C1orf21: variants seen among roughly 807,000 people sequenced by gnomAD.
The protein encoded by C1orf21 is uncharacterized protein C1orf21.
Under a neutral mutation model 18.7 loss-of-function variants are expected in C1orf21, and 3 were observed. That is an observed-to-expected ratio of 0.16 (90% confidence interval 0.07 to 0.42). The LOEUF (loss-of-function observed/expected upper bound fraction) is 0.42. Among genes scored for constraint, C1orf21 ranks in the 10% least tolerant of loss-of-function variants. C1orf21 has a pLI of 0.99. For synonymous variants in C1orf21, 41 were observed against 46.4 expected (o/e 0.88, Z 0.47); for missense variants, 104 against 143.6 (o/e 0.72, Z 1.41).
At chr1:184,517,208 A>G (rs1162503459) in intron 3 of C1orf21, among the ~76,000 whole-genome samples, 1 of 152,218 alleles carries the variant, frequency 6.6e-6, no homozygotes, top group Non-Finnish European at 1.5e-5. Context: ...CACTAATAAA[A>G]TGTTTGTTAT....
At position 184,590,666 on chromosome 1, in the gene C1orf21, A is replaced by G. The variant is rs771822974; in HGVS notation, c.190-73A>G. The G allele has an allele frequency of 3.2e-4, 463 of 1,449,602 alleles. 1 individual carries two copies. Among genetic ancestry groups the G allele is most frequent in the Non-Finnish European group, 4.3e-4 (448 of 1,032,198 alleles). The allele number at this position is 1,449,602 out of a possible 1,614,324, so 89.8% of individuals were successfully genotyped here. ...CCCAAACAGATTGAACGTTTGTGTG[A>G]TGAAAACTCATACACTTGTTTAATT... On this transcript the variant is annotated intron_variant, in intron 3 of 5. Transcript: ENST00000235307.
At chr1:184,501,838 G>A (rs141378011) in intron 2 of C1orf21, among the ~76,000 whole-genome samples, 2 of 152,240 alleles carry the variant, frequency 1.3e-5, no homozygotes, top group Admixed American at 1.3e-4. Context: ...ATAAAATGGT[G>A]TGATTTGTGG....
At chr1:184,589,152 T>C (rs1659401152) in intron 3 of C1orf21, among the ~76,000 whole-genome samples, 1 of 152,218 alleles carries the variant, frequency 6.6e-6, no homozygotes, top group Admixed American at 6.5e-5. Flanking sequence ...GTGCATTTCT[T>C]TTAAGCTCAA....
chr1:184,532,644 G>A (rs1338531652), intron 3 of C1orf21, among the ~76,000 whole-genome samples: 6 of 152,284 alleles, frequency 3.9e-5, no homozygotes, highest in Admixed American at 3.3e-4. Context: ...CTACTCAGGA[G>A]GCTGAAGCAG....
intron 3 of C1orf21, among the ~76,000 whole-genome samples, chr1:184,529,199 CT>C (rs1209494305): frequency 6.6e-6 from 1 of 152,100 alleles, no homozygotes; most frequent in Admixed American, 6.6e-5. Context: ...ATTTCCTACT[CT>C]CTTTTCTGCT....
At chr1:184,452,521 A>T (rs894010519) in intron 1 of C1orf21, among the ~76,000 whole-genome samples, 1 of 152,102 alleles carries the variant, frequency 6.6e-6, no homozygotes, top group African/African-American at 2.4e-5. Context: ...ATAAGGTCAT[A>T]TTTGTCCCAT....
intron 1 of C1orf21, among the ~76,000 whole-genome samples, chr1:184,470,751 C>G (rs1289973806): frequency 6.6e-6 from 1 of 152,060 alleles, no homozygotes; most frequent in African/African-American, 2.4e-5. Context: ...TGGTGGCATG[C>G]ATTTGTAATC....
At chr1:184,419,631 T>A (rs1656513553) in intron 1 of C1orf21, among the ~76,000 whole-genome samples, 1 of 151,336 alleles carries the variant, frequency 6.6e-6, no homozygotes, top group East Asian at 1.9e-4. Context: ...AAGTGTTTAG[T>A]ACTAGGGGAA....
chr1:184,419,754 T>A (rs1197658300), intron 1 of C1orf21, among the ~76,000 whole-genome samples: 2 of 152,204 alleles, frequency 1.3e-5, no homozygotes, highest in East Asian at 3.9e-4. Context: ...TGCAGCTATT[T>A]GAGGGAGGAA....
chr1:184,430,113 CAA>C (rs34368090), intron 1 of C1orf21, among the ~76,000 whole-genome samples: 25,492 of 100,034 alleles, frequency 0.25, 1,949 homozygotes, highest in African/African-American at 0.39. Flanking sequence ...CTCCGTCTCA[CAA>C]AAAAAAAAAA....
intron 3 of C1orf21, among the ~76,000 whole-genome samples, chr1:184,558,161 T>G (rs1658904492): frequency 6.6e-6 from 1 of 152,234 alleles, no homozygotes; most frequent in Admixed American, 6.5e-5. Context: ...TCTTATTAAT[T>G]CATTAGCAGC....
chr1:184,615,269 T>C (rs537295256), intron 5 of C1orf21, among the ~76,000 whole-genome samples: 9 of 151,992 alleles, frequency 5.9e-5, no homozygotes, highest in African/African-American at 2.2e-4. Context: ...CAGAGTAGGG[T>C]GTGGTCGGAA....
At chr1:184,503,701 G>C (rs984544020) in intron 2 of C1orf21, among the ~76,000 whole-genome samples, 7 of 152,112 alleles carry the variant, frequency 4.6e-5, no homozygotes, top group African/African-American at 1.7e-4. Context: ...CAATAAAGAT[G>C]TTAGGTTCTG....
chr1:184,389,801 A>G (rs10911593), intron 1 of C1orf21, among the ~76,000 whole-genome samples: 125,713 of 152,136 alleles, frequency 0.83, 52,229 homozygotes, highest in South Asian at 0.9. Flanking sequence ...TAAAGGAGAC[A>G]CCAAAGGCTG....
At chr1:184,515,804 T>G (rs1328339117) in intron 3 of C1orf21, among the ~76,000 whole-genome samples, 1 of 152,160 alleles carries the variant, frequency 6.6e-6, no homozygotes, top group Non-Finnish European at 1.5e-5. Flanking sequence ...GCTTTACACA[T>G]ATTACATTAG....
intron 1 of C1orf21, among the ~76,000 whole-genome samples, chr1:184,420,526 A>G (rs1402717537): frequency 6.6e-6 from 1 of 152,220 alleles, no homozygotes; most frequent in Non-Finnish European, 1.5e-5. Context: ...AAAGAAAGAC[A>G]TCATTGCTAA....
intron 1 of C1orf21, among the ~76,000 whole-genome samples, chr1:184,433,700 A>G (rs572051423): frequency 5.3e-5 from 8 of 152,158 alleles, no homozygotes; most frequent in Non-Finnish European, 8.8e-5. Flanking sequence ...CAAAAATATT[A>G]TTTCAGCATG....
chr1:184,581,510 T>C (rs1659276660), intron 3 of C1orf21, among the ~76,000 whole-genome samples: 1 of 152,128 alleles, frequency 6.6e-6, no homozygotes, highest in Non-Finnish European at 1.5e-5. Flanking sequence ...AAAAACACTC[T>C]GGGTAAAAAT....
chr1:184,577,330 C>T (rs1211182839), intron 3 of C1orf21, among the ~76,000 whole-genome samples: 3 of 151,602 alleles, frequency 2.0e-5, no homozygotes, highest in East Asian at 1.9e-4. Flanking sequence ...TGGACCGAGG[C>T]GGGTCGGTGA....
Sources: allele counts gnomAD v4.1 joint callset (sites outside exome capture counted in the v4.1 genomes callset), GRCh38; gene constraint gnomAD v4.1.1; transcripts MANE v1.5; gene names NCBI Gene and HGNC (gene_info 2026-07-23, HGNC 2026-07-21).